Variants in ANK2 observed in about 807,000 individuals in gnomAD.
The protein encoded by ANK2 is ankyrin-2.
Under a neutral mutation model 360.5 loss-of-function variants are expected in ANK2, and 83 were observed. The ratio of observed to expected loss-of-function variants is 0.23; its 90% CI spans 0.19 to 0.28. ANK2 has a LOEUF of 0.28. Ranked by LOEUF, ANK2 falls within the 10% of genes least tolerant of loss-of-function variation. ANK2 has a pLI of 1.00. For synonymous variants in ANK2, 1,740 were observed against 1,759.5 expected, an observed-to-expected ratio of 0.99 and a Z score of 0.28; for missense variants, 4,201 against 4,795.7, an observed-to-expected ratio of 0.88 and a Z score of 3.66.
intron 1 of ANK2, among the ~76,000 whole-genome samples, chr4:113,127,867 C>A (rs1386780890): frequency 6.6e-6 from 1 of 151,736 alleles, no homozygotes; most frequent in Non-Finnish European, 1.5e-5. Context: ...TTGGAATGGT[C>A]ATACCAGAAG....
chr4:113,315,695 G>A (rs1005031132), intron 24 of ANK2, among the ~76,000 whole-genome samples: 2 of 151,968 alleles, frequency 1.3e-5, no homozygotes, highest in African/African-American at 4.8e-5. Flanking sequence ...TCAGGAGATC[G>A]AGACCATCCT....
chr4:113,236,299 A>G (rs1216123082), intron 5 of ANK2, among the ~76,000 whole-genome samples: 1 of 152,124 alleles, frequency 6.6e-6, no homozygotes, highest in Admixed American at 6.5e-5. Context: ...TTCACTTCCC[A>G]TGCTGTTTTT....
chr4:112,707,496 G>A, the ANK2 span, among the ~76,000 whole-genome samples: 1 of 152,098 alleles, frequency 6.6e-6, no homozygotes, highest in Non-Finnish European at 1.5e-5. Context: ...TGCACTTGGA[G>A]CTATTCTTTT....
chr4:113,352,746 T>C (rs1439046893), intron 37 of ANK2, among the ~76,000 whole-genome samples: 3 of 152,182 alleles, frequency 2.0e-5, no homozygotes, highest in Non-Finnish European at 4.4e-5. Flanking sequence ...AGTGTTTTTT[T>C]GTGTGTGTAT....
At chr4:113,258,437 C>T (rs767391009) in intron 13 of ANK2, 26 bp downstream of exon 13, 2 of 1,588,774 alleles carry the variant, frequency 1.3e-6, no homozygotes, top group East Asian at 4.5e-5. Context: ...GTCAGAATAA[C>T]CCCAGGGAGG....
intron 4 of ANK2, among the ~76,000 whole-genome samples, chr4:113,211,537 G>A (rs1216311652): frequency 6.6e-6 from 1 of 152,122 alleles, no homozygotes; most frequent in African/African-American, 2.4e-5. Context: ...AATGTAGATA[G>A]TGTTTTAACT....
intron 17 of ANK2, among the ~76,000 whole-genome samples, chr4:113,281,236 A>T (rs938439479): frequency 1.3e-5 from 2 of 152,160 alleles, no homozygotes; most frequent in Non-Finnish European, 2.9e-5. Flanking sequence ...AGGAAATAGC[A>T]TGACCTAAAA....
the ANK2 span, among the ~76,000 whole-genome samples, chr4:112,776,373 G>T: frequency 4.6e-5 from 7 of 152,170 alleles, no homozygotes; most frequent in African/African-American, 9.7e-5. Flanking sequence ...AGACAAAAAG[G>T]CTTGAGCTAG....
chr4:113,274,280 G>A (rs1302395058), intron 14 of ANK2, among the ~76,000 whole-genome samples, 172 bp from the exon 15 acceptor site: 1 of 152,128 alleles, frequency 6.6e-6, no homozygotes, highest in Non-Finnish European at 1.5e-5. Flanking sequence ...TGACCAACAG[G>A]GTCACTGCTG....
chr4:113,167,507 C>T (rs2097788779), intron 1 of ANK2, among the ~76,000 whole-genome samples: 1 of 152,192 alleles, frequency 6.6e-6, no homozygotes, highest in South Asian at 2.1e-4. Context: ...CCATGTTGGT[C>T]AGGCTGGTCT....
intron 2 of ANK2, among the ~76,000 whole-genome samples, chr4:113,038,721 C>T (rs117868781): frequency 6.6e-6 from 1 of 152,200 alleles, no homozygotes; most frequent in East Asian, 1.9e-4. Flanking sequence ...ATTTCCTGGC[C>T]TCTGGGAAGC....
intron 1 of ANK2, among the ~76,000 whole-genome samples, chr4:113,103,168 A>G (rs2093155603): frequency 6.6e-6 from 1 of 152,208 alleles, no homozygotes; most frequent in Non-Finnish European, 1.5e-5. Flanking sequence ...TAAACTATAA[A>G]TAGAGCTTTC....
chr4:113,007,196 G>C (rs2053185941), intron 2 of ANK2, among the ~76,000 whole-genome samples: 1 of 152,088 alleles, frequency 6.6e-6, no homozygotes, highest in Non-Finnish European at 1.5e-5. Context: ...AATACATGAA[G>C]CTGCCCGATT....
At chr4:113,012,333 T>C (rs986735291) in intron 2 of ANK2, among the ~76,000 whole-genome samples, 1 of 152,180 alleles carries the variant, frequency 6.6e-6, no homozygotes, top group African/African-American at 2.4e-5. Flanking sequence ...GTTATGCATC[T>C]GACCTTCCCG....
intron 1 of ANK2, among the ~76,000 whole-genome samples, chr4:113,162,766 A>C (rs1252096974): frequency 7.0e-6 from 1 of 142,296 alleles, no homozygotes; most frequent in African/African-American, 2.6e-5. Flanking sequence ...TTCAAAGATT[A>C]TAAAATCTTT....
the ANK2 span, among the ~76,000 whole-genome samples, chr4:112,777,093 A>G: frequency 2.6e-5 from 4 of 152,286 alleles, no homozygotes; most frequent in African/African-American, 7.2e-5. Context: ...TTGGCATAAT[A>G]TATTCTTCTT....
At chr4:113,058,125 C>T (rs2071088089) in intron 1 of ANK2, among the ~76,000 whole-genome samples, 1 of 152,136 alleles carries the variant, frequency 6.6e-6, no homozygotes, top group African/African-American at 2.4e-5. Context: ...AACCATTTCA[C>T]TTCTGGCCAC....
the ANK2 span, among the ~76,000 whole-genome samples, chr4:112,756,297 G>T: frequency 6.8e-6 from 1 of 147,362 alleles, no homozygotes; most frequent in Non-Finnish European, 1.5e-5. Context: ...CTCTCAGGTT[G>T]AGCATTATAG....
chr4:112,903,138 A>G (rs2083999737), intron 1 of ANK2, among the ~76,000 whole-genome samples: 1 of 152,204 alleles, frequency 6.6e-6, no homozygotes, highest in Non-Finnish European at 1.5e-5. Flanking sequence ...CCTTGTTAAA[A>G]CATATAGTAT....
Sources: gnomAD v4.1 joint callset for allele counts (sites outside exome capture counted in the v4.1 genomes callset) on GRCh38, gnomAD v4.1.1 for gene constraint, MANE v1.5 for transcripts, NCBI Gene and HGNC (gene_info 2026-07-23, HGNC 2026-07-21) for gene names.